TMPRSS6: variants seen among roughly 807,000 people sequenced by gnomAD.
The protein encoded by TMPRSS6 is transmembrane serine protease 6.
TMPRSS6 carries 67 observed loss-of-function variants against 101.5 expected under a neutral mutation model. The ratio of observed to expected loss-of-function variants is 0.66; its 90% CI spans 0.54 to 0.81. The LOEUF is 0.81. Among genes scored for constraint, TMPRSS6 ranks in the 30% least tolerant of loss-of-function variants. The probability of loss-of-function intolerance (pLI) is 0.00; values close to 1 mark genes in which losing one functional copy is unlikely to be tolerated. For synonymous variants in TMPRSS6, 453 were observed against 464.9 expected, an observed-to-expected ratio of 0.97 and a Z score of 0.33; for missense variants, 1,034 against 1,088.7, an observed-to-expected ratio of 0.95 and a Z score of 0.71.
chr22:37,107,619 C>T (rs1569031219), intron 1 of TMPRSS6, among the ~76,000 whole-genome samples: 1 of 152,128 alleles, frequency 6.6e-6, no homozygotes. Flanking sequence ...CACCATGTGC[C>T]CTGCCCACAA....
chr22:37,098,684 C>A, intron 2 of TMPRSS6, 135 bp from the exon 3 acceptor site: 1 of 1,103,836 alleles, frequency 9.1e-7, no homozygotes, highest in Non-Finnish European at 1.4e-6. Context: ...CCATCAATGT[C>A]ATCATCATCA....
At chr22:37,105,494 C>A (rs936022037) in intron 1 of TMPRSS6, among the ~76,000 whole-genome samples, 2 of 152,170 alleles carry the variant, frequency 1.3e-5, no homozygotes, top group African/African-American at 4.8e-5. Flanking sequence ...AGGTTTGAGT[C>A]CCCAGCGCAG....
At chr22:37,073,072 T>G (rs548953755) in intron 13 of TMPRSS6, among the ~76,000 whole-genome samples, 1 of 130,618 alleles carries the variant, frequency 7.7e-6, no homozygotes, top group Non-Finnish European at 1.6e-5. Context: ...GATGGATGGA[T>G]GGATGGATGG....
chr22:37,071,023 C>G lies in TMPRSS6; in HGVS notation c.1565G>C (p.Cys522Ser), dbSNP rs2146038413. The G allele has an allele frequency of 6.2e-7, 1 of 1,612,426 alleles. No individual in the cohort carries two copies. Among genetic ancestry groups the G allele is most frequent in the East Asian group, 2.2e-5 (1 of 44,810 alleles). Reference protein sequence around the residue: ...DEEQCQEGVPCGTFTFQCEDR... With the variant: ...DEEQCQEGVPSGTFTFQCEDR... ...CTCACACTGGAAGGTGAATGTCCCA[C>G]ATGGCACCCCTGGGACAGAGGGGAT... is the stretch of plus-strand genomic sequence containing the variant. Residue 522 changes from cysteine to serine, a missense_variant, in exon 14 of 18, where the codon TGT (cysteine) becomes TCT (serine). Cys to Ser is a moderately radical substitution (Grantham distance 112). Coordinates refer to ENST00000676104, the MANE Select transcript of TMPRSS6 (RefSeq NM_001374504.1).
At position 37,070,537 on chromosome 22, in the gene TMPRSS6, G is replaced by A; in HGVS notation, c.1788C>T (p.Ala596=). Residue 596 remains alanine, a synonymous_variant, in exon 15 of 18, where the codon GCC becomes GCT. Coordinates refer to ENST00000676104, the MANE Select transcript of TMPRSS6 (RefSeq NM_001374504.1). ...TTATCACCCAGCGGTCAGCGATGAG[G>A]GCCCCCCCACAGATGTGTCGACCCC... is the stretch of plus-strand genomic sequence containing the variant. ...QVRGRHICGG[A]LIADRWVITA... The A allele has an allele frequency of 6.2e-7, 1 of 1,613,406 alleles. No homozygotes were observed. Among genetic ancestry groups the A allele is most frequent in the Non-Finnish European group, 8.5e-7 (1 of 1,180,026 alleles).
intron 10 of TMPRSS6, among the ~76,000 whole-genome samples, 153 bp from the exon 11 acceptor site, chr22:37,075,433 C>T (rs906199090): frequency 2.0e-5 from 3 of 152,202 alleles, no homozygotes; most frequent in Non-Finnish European, 4.4e-5. Context: ...TGAGTGCACC[C>T]CCAGAGTCAT....
intron 2 of TMPRSS6, among the ~76,000 whole-genome samples, chr22:37,099,720 G>C (rs186228987): frequency 1.3e-5 from 2 of 152,158 alleles, no homozygotes; most frequent in African/African-American, 2.4e-5. Context: ...GGCATGGGAC[G>C]GGCTGCGATA....
At chr22:37,071,105 G>A (rs936644301) in intron 13 of TMPRSS6, 73 bp from the exon 14 acceptor site, 1 of 1,366,548 alleles carries the variant, frequency 7.3e-7, no homozygotes, top group Non-Finnish European at 1.0e-6. Context: ...CCAAAGTGGG[G>A]TGCAGGAACG....
chr22:37,095,629 C>CAAAAAAAAAAAAAAAGAAAA, intron 5 of TMPRSS6, 37 bp from the exon 6 acceptor site: 1 of 1,176,570 alleles, frequency 8.5e-7, no homozygotes, highest in Non-Finnish European at 1.1e-6. Flanking sequence ...TAAACAAGAA[C>CAAAAAAAAAAAAAAAGAAAA]AAAAAAAAAA....
At position 37,069,148 on chromosome 22, in the gene TMPRSS6, G is replaced by A. The variant is rs889947916; in HGVS notation, c.2038C>T (p.Leu680=). The change falls in exon 16 of 18, where the codon CTG becomes TTG. Residue 680 remains leucine, a synonymous_variant. Coordinates refer to ENST00000676104, the MANE Select transcript of TMPRSS6 (RefSeq NM_001374504.1). This position sits in a 1 kb window ranked among gnomAD's most constrained non-coding sequence, Gnocchi z 4.8. ...VRSAAVRPVC[L]PARSHFFEPG... ...TCGAAGAAGTGGGAGCGCGCGGGCA[G>A]GCAGACGGGGCGCACGGCGGCCGAG... is the stretch of plus-strand genomic sequence containing the variant. The A allele has an allele frequency of 1.3e-6, 2 of 1,575,252 alleles. No homozygotes were observed. The highest frequency in any genetic ancestry group is 1.4e-5 in the African/African-American group (1 of 73,968).
Position 37,066,811 on chromosome 22 carries a change from G to GC in TMPRSS6, c.2250+14dup, listed in dbSNP as rs1926331342. The GC allele has an allele frequency of 6.2e-7, 1 of 1,614,142 alleles. No individual in the cohort carries two copies. The highest frequency in any genetic ancestry group is 1.1e-5 in the South Asian group (1 of 91,086). On this transcript the variant is annotated intron_variant, in intron 17 of 17. Coordinates refer to ENST00000676104, the MANE Select transcript of TMPRSS6 (RefSeq NM_001374504.1). ...TTTCTCCCTCCTCTCTCCCTCCCAT[G>GC]CCCGGGGGACTCACCTGACAGGCAT...
intron 2 of TMPRSS6, 152 bp from the exon 3 acceptor site, chr22:37,098,701 T>A: frequency 9.3e-7 from 1 of 1,070,252 alleles, no homozygotes; most frequent in South Asian, 1.3e-5. Flanking sequence ...ATCATCTTTG[T>A]CACTCCCATT....
In TMPRSS6 at chr22:37,066,066, AGGGGGGCAGTT is replaced by A; in HGVS notation, c.*3_*13del. The A allele has an allele frequency of 1.9e-6, 3 of 1,613,060 alleles. No homozygotes were observed. Among genetic ancestry groups the A allele is most frequent in the Non-Finnish European group, 1.7e-6 (2 of 1,179,852 alleles). ...GTCCAGGAGGTGGGCCCTGCTTTGC[AGGGGGGCAGTT>A]CCTCAGGTCACCACTTGCTGGATCC... On this transcript the variant is annotated 3_prime_UTR_variant, in exon 18 of 18. Transcript: ENST00000676104.
At chr22:37,082,831 C>T in intron 10 of TMPRSS6, 1 of 393,280 alleles carries the variant, frequency 2.5e-6, no homozygotes, top group Admixed American at 3.0e-5. Flanking sequence ...AACAGCATAG[C>T]CCTAGATCAT....
intron 7 of TMPRSS6, 34 bp downstream of exon 7, chr22:37,089,544 G>GGCCAC: frequency 2.2e-6 from 3 of 1,348,858 alleles, no homozygotes; most frequent in Non-Finnish European, 3.1e-6. Context: ...CCCTTTTCCA[G>GGCCAC]CCCTCCCTCC....
At chr22:37,088,081 G>T (rs1928927124) in intron 7 of TMPRSS6, among the ~76,000 whole-genome samples, 1 of 152,086 alleles carries the variant, frequency 6.6e-6, no homozygotes, top group African/African-American at 2.4e-5. Context: ...AACAGAGCTG[G>T]GCCTGGCAGT....
intron 1 of TMPRSS6, among the ~76,000 whole-genome samples, chr22:37,105,361 C>T (rs1188284980): frequency 7.9e-5 from 12 of 152,320 alleles, no homozygotes; most frequent in Non-Finnish European, 1.2e-4. Context: ...AAATGGTAAA[C>T]GTCCGGCAAC....
chr22:37,091,076 A>G lies in TMPRSS6; in HGVS notation c.632-1294T>C, dbSNP rs115225010. 4.9e-3 allele frequency among the ~76,000 whole-genome samples: 753 copies of G among 152,144 alleles called. 6 individuals are homozygous for G. The highest frequency in any genetic ancestry group is 0.017 in the African/African-American group (718 of 41,480). ...GCACTGCTAGAACTTACAAAGCAGT[A>G]CCACCTGCATCATTCATTCATTCAT... On this transcript the variant is annotated intron_variant, in intron 6 of 17. Transcript: ENST00000676104.
At chr22:37,084,622 G>A in intron 9 of TMPRSS6, 105 bp downstream of exon 9, 1 of 1,040,808 alleles carries the variant, frequency 9.6e-7, no homozygotes, top group Non-Finnish European at 1.4e-6. Flanking sequence ...CAGCCTGTGG[G>A]CGCTTCAGCA....
Sources: gnomAD v4.1 joint callset for allele counts (sites outside exome capture counted in the v4.1 genomes callset) on GRCh38, gnomAD v4.1.1 for gene constraint, Gnocchi (gnomAD v3.1) non-coding constraint, MANE v1.5 for transcripts, NCBI Gene and HGNC (gene_info 2026-07-23, HGNC 2026-07-21) for gene names.